VIRMA: variants seen among roughly 807,000 people sequenced by gnomAD.
VIRMA encodes the protein vir like m6A methyltransferase associated.
A neutral mutation model predicts 182.4 loss-of-function variants in VIRMA; 65 were observed. The ratio of observed to expected loss-of-function variants is 0.36; its 90% CI spans 0.29 to 0.44. VIRMA has a LOEUF of 0.44. Among genes scored for constraint, VIRMA ranks in the 20% least tolerant of loss-of-function variants. The pLI is 1.00. For missense variants in VIRMA, 1,752 were observed against 2,158.1 expected (o/e 0.81, Z 3.73); for synonymous variants, 709 against 743.1 (o/e 0.95, Z 0.75).
chr8:94,511,698 G>A lies in VIRMA; in HGVS notation c.2877C>T (p.Ala959=), dbSNP rs750108301. The A allele has an allele frequency of 1.9e-5, 31 of 1,613,520 alleles. No homozygotes were observed. Among genetic ancestry groups the A allele is most frequent in the Middle Eastern group, 1.7e-4 (1 of 6,058 alleles). Residue 959 remains alanine (A), a synonymous_variant, in exon 13 of 24, where the codon GCC becomes GCT. Transcript: ENST00000297591. ...CTTCAGCAGAAAAAAGCTGAATAAC[G>A]GCAAGATTCCATTTCAGATCTTTCT... The part of the protein sequence containing the change: ...GQQKDLKWNL[A]VIQLFSAEGM...
rs200973282 is a variant in VIRMA, at chr8:94,489,925, G to C, written c.5284+14C>G. 1.4e-4 allele frequency: 226 copies of C among 1,608,608 alleles called. 1 individual carries two copies. In the East Asian group the frequency reaches 4.8e-3, roughly 34 times the overall value. On this transcript the variant is annotated intron_variant, in intron 23 of 23. Transcript: ENST00000297591. ...TCCCTTCTCTCAGCAATATCAAGTA[G>C]CAAGGATGTATACCTGTAGAACTAA...
intron 20 of VIRMA, 63 bp from the exon 21 acceptor site, chr8:94,492,881 A>G (rs965887680): frequency 4.6e-6 from 6 of 1,298,178 alleles, no homozygotes; most frequent in Admixed American, 2.2e-5. Context: ...ACATTTGACT[A>G]CAGAAATTCT....
chr8:94,499,474 C>T lies in VIRMA; in HGVS notation c.4130G>A (p.Ser1377Asn). The T allele has an allele frequency of 1.3e-6, 2 of 1,591,644 alleles. No individual in the cohort carries two copies. Among genetic ancestry groups the T allele is most frequent in the African/African-American group, 2.7e-5 (2 of 74,584 alleles). ...TGTGCTGACCACTCGTTTCAGTAAA[C>T]TATGCAGAGCACTACTGTTTTTCCT... ...SLRKNSSALH[S>N]LLKRVVSTFS... The change falls in exon 17 of 24, where the codon AGT becomes AAT. Residue 1377 changes from serine to asparagine, a missense_variant. Transcript: ENST00000297591.
intron 1 of VIRMA, among the ~76,000 whole-genome samples, chr8:94,548,818 G>A (rs936170116): frequency 9.2e-5 from 14 of 152,086 alleles, no homozygotes; most frequent in African/African-American, 2.7e-4. Flanking sequence ...ATCACGCCTG[G>A]CTAATTTTTT....
rs1298309957 is a variant in VIRMA at position 94,511,671 on chromosome 8, T to C, written c.2904A>G (p.Gly968=). ...LAVIQLFSAE[G]MDTFIRVLQK... is the part of the protein sequence containing the mutation. ...GCAGAACTCGAATAAACGTGTCCAT[T>C]CCTTCAGCAGAAAAAAGCTGAATAA... is the stretch of plus-strand genomic sequence containing the variant. Residue 968 remains glycine, a synonymous_variant, in exon 13 of 24, where the codon GGA becomes GGG. Transcript: ENST00000297591. The C allele has an allele frequency of 6.2e-7, 1 of 1,613,924 alleles. No homozygotes were observed. The highest frequency in any genetic ancestry group is 8.5e-7 in the Non-Finnish European group (1 of 1,179,930).
chr8:94,527,102 G>A lies in VIRMA; in HGVS notation c.1142C>T (p.Ala381Val), dbSNP rs1426237222. The A allele has an allele frequency of 2.5e-6, 4 of 1,613,978 alleles. No homozygotes were observed. Among genetic ancestry groups the A allele is most frequent in the Admixed American group, 1.7e-5 (1 of 59,992 alleles). The change falls in exon 8 of 24, where the codon GCC becomes GTC. Residue 381 changes from alanine to valine, a missense_variant. Ala to Val is a moderately conservative substitution (Grantham distance 64). Around this residue, in one of 11 missense-constraint regions of VIRMA, gnomAD observed 401 missense variants for 455.1 expected, o/e 0.88. Transcript: ENST00000297591. Reference sequence around the variant, plus strand: ...TAAGAGTTCTGTTAACTTCACTGAGGCTTCGATTGCCCCTGAATTTTCTTT... The same window carrying A: ...TAAGAGTTCTGTTAACTTCACTGAGACTTCGATTGCCCCTGAATTTTCTTT... ...PDKENSGAIEASVKLTELLDL... is the reference protein window; with the variant it reads ...PDKENSGAIEVSVKLTELLDL...
chr8:94,509,625 TAC>T (rs138207070), intron 15 of VIRMA, 61 bp downstream of exon 15: 62,499 of 1,244,724 alleles, frequency 0.05, no homozygotes, highest in Non-Finnish European at 0.053. Flanking sequence ...GATGCTTAAA[TAC>T]ACACACACAC....
chr8:94,499,537 T>C (rs1586067108), intron 16 of VIRMA, 31 bp from the exon 17 acceptor site: 3 of 1,335,108 alleles, frequency 2.2e-6, no homozygotes, highest in Non-Finnish European at 3.1e-6. Context: ...GAGAAGATAT[T>C]ATCTTAAAAT....
At chr8:94,494,663 T>A (rs1813712260) in intron 20 of VIRMA, among the ~76,000 whole-genome samples, 197 bp downstream of exon 20, 1 of 133,072 alleles carries the variant, frequency 7.5e-6, no homozygotes, top group Non-Finnish European at 1.6e-5. Flanking sequence ...GATCACTAAC[T>A]AGAAAGAAGC....
chr8:94,496,332 A>G lies in VIRMA; in HGVS notation c.4379T>C (p.Val1460Ala). 1 of 1,607,564 alleles carries G rather than the reference A, an allele frequency of 6.2e-7. No individual in the cohort carries two copies. Among genetic ancestry groups the G allele is most frequent in the South Asian group, 1.1e-5 (1 of 88,986 alleles). The part of the protein sequence containing the change: ...ENLFLELEKL[V>A]LEHSKDDDNL... ...CTCTGTTTTTTTCTTTTTTACCAAA[A>G]CAAGCTTCTCTAGTTCAAGGAACAA... Residue 1460 changes from valine (V) to alanine (A), a missense_variant, in exon 18 of 24, where the codon GTT (valine) becomes GCT (alanine). Transcript: ENST00000297591.
At chr8:94,508,700 A>C (rs1356247436) in intron 15 of VIRMA, among the ~76,000 whole-genome samples, 1 of 79,878 alleles carries the variant, frequency 1.3e-5, no homozygotes, top group Non-Finnish European at 2.6e-5. Flanking sequence ...CAAGTCATAC[A>C]AAAAAAAAAA....
intron 8 of VIRMA, among the ~76,000 whole-genome samples, chr8:94,521,440 C>T (rs73274052): frequency 0.027 from 4,172 of 151,988 alleles, 101 homozygotes; most frequent in Middle Eastern, 0.068. Context: ...AAAAAAGAAC[C>T]AAAACATCGT....
intron 2 of VIRMA, among the ~76,000 whole-genome samples, chr8:94,541,579 T>A (rs1815555904): frequency 1.3e-5 from 2 of 152,272 alleles, no homozygotes; most frequent in Non-Finnish European, 1.5e-5. Context: ...TCTCGCTCTG[T>A]TGCCCAGGCT....
intron 9 of VIRMA, among the ~76,000 whole-genome samples, 189 bp from the exon 10 acceptor site, chr8:94,518,131 T>TA (rs912387290): frequency 2.0e-5 from 3 of 152,182 alleles, no homozygotes; most frequent in African/African-American, 7.2e-5. Context: ...TTACTTTACT[T>TA]AAAAGTATAT....
chr8:94,520,510 G>A (rs1814724472), intron 8 of VIRMA, among the ~76,000 whole-genome samples: 1 of 151,600 alleles, frequency 6.6e-6, no homozygotes, highest in African/African-American at 2.4e-5. Flanking sequence ...AAAAAAAAAA[G>A]ACAGAAAAGA....
chr8:94,515,516 C>T (rs909170012), intron 10 of VIRMA, among the ~76,000 whole-genome samples: 2 of 151,848 alleles, frequency 1.3e-5, no homozygotes, highest in Admixed American at 6.6e-5. Flanking sequence ...GGACTACAGG[C>T]GTGCATTACC....
chr8:94,496,424 C>T lies in VIRMA; in HGVS notation c.4287G>A (p.Arg1429=), dbSNP rs1338020273. The change falls in exon 18 of 24, where the codon CGG becomes CGA. Residue 1429 remains arginine, a synonymous_variant. Coordinates refer to ENST00000297591, the MANE Select transcript of VIRMA (RefSeq NM_015496.5). ...LMEVEGAHTS[R]TMSINAAELK... ...ACTCTGCAGCATTAATACTCATCGT[C>T]CGTGATGTATGAGCTCCCTCTACTT... 1.2e-6 allele frequency: 2 copies of T among 1,613,344 alleles called. No individual in the cohort carries two copies. The highest frequency in any genetic ancestry group is 3.3e-5 in the Admixed American group (2 of 60,016).
At position 94,526,317 on chromosome 8, in the gene VIRMA, G is replaced by A. The variant is rs550047879; in HGVS notation, c.1927C>T (p.His643Tyr). The A allele has an allele frequency of 9.3e-6, 15 of 1,613,914 alleles. No individual in the cohort carries two copies. In the African/African-American group the frequency reaches 1.9e-4, roughly 20 times the overall value. Reference protein sequence around the residue: ...EVFHLMETAPHTMIQQPVKSF... With the variant: ...EVFHLMETAPYTMIQQPVKSF... Reference sequence around the variant, plus strand: ...TTAACAGGTTGTTGGATCATTGTATGAGGGGCAGTTTCCATTAAATGAAAA... The same window carrying A: ...TTAACAGGTTGTTGGATCATTGTATAAGGGGCAGTTTCCATTAAATGAAAA... The change falls in exon 8 of 24, where the codon CAT becomes TAT. Residue 643 changes from histidine to tyrosine, a missense_variant. Transcript: ENST00000297591.
intron 2 of VIRMA, 80 bp downstream of exon 2, chr8:94,543,747 C>A: frequency 5.2e-6 from 4 of 767,198 alleles, no homozygotes; most frequent in Middle Eastern, 2.4e-4. Context: ...TAAAATATTC[C>A]CTTACATTTT....
Sources: allele counts gnomAD v4.1 joint callset (sites outside exome capture counted in the v4.1 genomes callset), GRCh38; gene constraint gnomAD v4.1.1; regional missense constraint gnomAD v4.1.1; transcripts MANE v1.5; gene names NCBI Gene and HGNC (gene_info 2026-07-23, HGNC 2026-07-21).